PRCP: variants seen among roughly 807,000 people sequenced by gnomAD.
PRCP encodes the protein prolylcarboxypeptidase, also known as lysosomal Pro-X carboxypeptidase.
A neutral mutation model predicts 54.2 loss-of-function variants in PRCP; 46 were observed. That is an observed-to-expected ratio of 0.85 (90% CI 0.67 to 1.09). PRCP has a LOEUF of 1.09. Among genes scored for constraint, PRCP ranks in the 50% least tolerant of loss-of-function variants. The pLI, the probability that PRCP is intolerant of heterozygous loss-of-function variation, is 0.00. For missense variants in PRCP, 613 were observed against 596.8 expected (o/e 1.03, Z -0.28); for synonymous variants, 240 against 212.2 (o/e 1.13, Z -1.14).
intron 1 of PRCP, among the ~76,000 whole-genome samples, chr11:82,884,363 AC>A (rs999722951): frequency 2.0e-5 from 3 of 152,030 alleles, no homozygotes; most frequent in Non-Finnish European, 2.9e-5. Context: ...TTCGAGACCA[AC>A]CTGGGCAACC....
rs1193043149 is a variant in PRCP, at chr11:82,824,961, C to T, written c.1436G>A (p.Arg479Lys). The T allele has an allele frequency of 6.2e-7, 1 of 1,614,094 alleles. No homozygotes were observed. The highest frequency in any genetic ancestry group is 8.5e-7 in the Non-Finnish European group (1 of 1,179,978). ...ATCTCTGATCCAATTCTTCATATGT[C>T]TAACTTCCAAGGAGCGGGCTAACAG... is the stretch of plus-strand genomic sequence containing the variant. ...SVLLARSLEV[R>K]HMKNWIRDFY... The change falls in exon 9 of 9, where the codon AGA (arginine) becomes AAA (lysine). Residue 479 changes from arginine to lysine, a missense_variant. Physicochemically the swap from Arg to Lys is conservative, Grantham distance 26. Transcript: ENST00000313010.
intron 6 of PRCP, among the ~76,000 whole-genome samples, chr11:82,848,005 T>G (rs1858849509): frequency 6.6e-6 from 1 of 152,250 alleles, no homozygotes; most frequent in Admixed American, 6.5e-5. Context: ...CTATATGCAA[T>G]ACACTCACTG....
At chr11:82,886,684 A>G (rs909593579) in intron 1 of PRCP, among the ~76,000 whole-genome samples, 13 of 152,214 alleles carry the variant, frequency 8.5e-5, no homozygotes, top group African/African-American at 3.1e-4. Flanking sequence ...TGACAGAGCC[A>G]GGTTTAAATC....
At chr11:82,875,110 A>G (rs761146759) in intron 1 of PRCP, among the ~76,000 whole-genome samples, 2 of 152,138 alleles carry the variant, frequency 1.3e-5, no homozygotes, top group African/African-American at 4.8e-5. Flanking sequence ...GAATAGTGTA[A>G]GGGCTGAACT....
rs1591040890 is a variant in PRCP, at chr11:82,839,515, T to A, written c.922-90A>T. 17 of 1,367,574 alleles carry A rather than the reference T, an allele frequency of 1.2e-5. No homozygotes were observed. In the South Asian group the frequency reaches 2.0e-4, roughly 16 times the overall value. 84.7% of individuals were successfully genotyped at this position (1,367,574 alleles called of 1,614,324 possible). A position where few individuals can be genotyped will look rare whatever the true frequency, so the allele number is the denominator to read the frequency against. Reference sequence around the variant, plus strand: ...ACACAAAGAAGAAATATGATTTTGATCTGATCATAAAATATTCTTAAGCTA... The same window carrying A: ...ACACAAAGAAGAAATATGATTTTGAACTGATCATAAAATATTCTTAAGCTA... On this transcript the variant is annotated intron_variant, in intron 6 of 8. Transcript: ENST00000313010.
intron 1 of PRCP, among the ~76,000 whole-genome samples, chr11:82,861,329 C>G (rs1248920960): frequency 6.6e-6 from 1 of 152,120 alleles, no homozygotes; most frequent in Non-Finnish European, 1.5e-5. Flanking sequence ...TGTAAAGTTA[C>G]TGATTCAGGC....
In PRCP at chr11:82,853,003, T is replaced by A. The variant is rs372940392; in HGVS notation, c.411+174A>T. Among the ~76,000 whole-genome samples, 273 of 121,142 alleles carry A rather than the reference T, an allele frequency of 2.3e-3. 1 individual carries two copies. Among genetic ancestry groups the A allele is most frequent in the African/African-American group, 0.013 (267 of 21,100 alleles). The allele number at this position is 121,142 out of a possible 152,430, so 79.5% of individuals were successfully genotyped here. On this transcript the variant is annotated intron_variant, in intron 3 of 8. Coordinates refer to ENST00000313010, the MANE Select transcript of PRCP (RefSeq NM_005040.4). ...CATTAAGAATTATAATAAAATGGCT[T>A]AAAAAAAACCCTCAGTCTGTTCAAA...
intron 8 of PRCP, chr11:82,835,842 T>A (rs1858510990): frequency 2.0e-6 from 1 of 501,080 alleles, no homozygotes; most frequent in Non-Finnish European, 4.0e-6. Flanking sequence ...GACCTTGACA[T>A]TATGCTTGGC....
intron 1 of PRCP, among the ~76,000 whole-genome samples, chr11:82,895,788 A>G (rs899329712): frequency 1.3e-5 from 2 of 152,216 alleles, no homozygotes; most frequent in African/African-American, 4.8e-5. Context: ...AGCTAGACAT[A>G]ACATTTTACT....
chr11:82,847,137 A>G (rs1471079513), intron 6 of PRCP, among the ~76,000 whole-genome samples: 1 of 152,242 alleles, frequency 6.6e-6, no homozygotes, highest in Non-Finnish European at 1.5e-5. Flanking sequence ...CCTCTGTTCT[A>G]AATAATGAGA....
intron 1 of PRCP, among the ~76,000 whole-genome samples, chr11:82,891,939 A>G (rs1311291997): frequency 6.6e-6 from 1 of 152,204 alleles, no homozygotes; most frequent in Non-Finnish European, 1.5e-5. Context: ...ACATACCACA[A>G]GTTATTTACA....
intron 1 of PRCP, among the ~76,000 whole-genome samples, chr11:82,890,131 C>T (rs1245867385): frequency 6.6e-6 from 1 of 152,140 alleles, no homozygotes; most frequent in Non-Finnish European, 1.5e-5. Flanking sequence ...AACATACAGC[C>T]ACATCAAATG....
At chr11:82,846,249 GT>G (rs1858806316) in intron 6 of PRCP, 2 of 152,094 alleles carry the variant, frequency 1.3e-5, no homozygotes, top group South Asian at 4.2e-4. Flanking sequence ...ACTGGGTAGT[GT>G]TCCAGGGATT....
At chr11:82,853,934 G>A (rs1373398021) in intron 2 of PRCP, among the ~76,000 whole-genome samples, 5 of 152,138 alleles carry the variant, frequency 3.3e-5, no homozygotes, top group Admixed American at 3.3e-4. Flanking sequence ...TGCAGAAAAT[G>A]TATTCGACAA....
chr11:82,850,324 C>T lies in PRCP; in HGVS notation c.593G>A (p.Gly198Glu), dbSNP rs972843163. 7.9e-6 allele frequency: 12 copies of T among 1,523,432 alleles called. No homozygotes were observed. The highest frequency in any genetic ancestry group is 1.1e-5 in the Non-Finnish European group (12 of 1,131,744). The allele number at this position is 1,523,432 out of a possible 1,614,324, so 94.4% of individuals were successfully genotyped here. Residue 198 changes from glycine to glutamate, a missense_variant and splice_region_variant, in exon 4 of 9, where the codon GGA (glycine) becomes GAA (glutamate). Physicochemically the swap from Gly to Glu is moderately conservative, Grantham distance 98 (BLOSUM62 -2). Coordinates refer to ENST00000313010, the MANE Select transcript of PRCP (RefSeq NM_005040.4). The part of the protein sequence containing the change: ...FRMKYPHMVV[G>E]ALAASAPIWQ... ...TCATGTCCAGTACAAATGCACTTACCCAACTACCATATGAGGATATTTCAT... is the reference window on the plus strand; with the variant it reads ...TCATGTCCAGTACAAATGCACTTACTCAACTACCATATGAGGATATTTCAT...
At chr11:82,894,873 C>T (rs1860082754) in intron 1 of PRCP, among the ~76,000 whole-genome samples, 1 of 152,098 alleles carries the variant, frequency 6.6e-6, no homozygotes, top group African/African-American at 2.4e-5. Flanking sequence ...ATATTTCCCC[C>T]CAACACTTTA....
chr11:82,847,805 G>A (rs1858843739), intron 6 of PRCP, among the ~76,000 whole-genome samples: 2 of 152,038 alleles, frequency 1.3e-5, no homozygotes, highest in Non-Finnish European at 2.9e-5. Flanking sequence ...TGTTGCCCAG[G>A]TGGGTCTCAA....
intron 1 of PRCP, among the ~76,000 whole-genome samples, chr11:82,885,310 T>C (rs1455111966): frequency 6.6e-6 from 1 of 152,212 alleles, no homozygotes; most frequent in East Asian, 1.9e-4. Flanking sequence ...TGCAGAAATA[T>C]AACATGAGTG....
At chr11:82,841,058 A>ATATATATAT (rs1178732590) in intron 6 of PRCP, among the ~76,000 whole-genome samples, 1 of 149,608 alleles carries the variant, frequency 6.7e-6, no homozygotes, top group African/African-American at 2.5e-5. Flanking sequence ...TATATAATAG[A>ATATATATAT]CTAGTCCTGA....
Sources: gnomAD v4.1 joint callset for allele counts (sites outside exome capture counted in the v4.1 genomes callset) on GRCh38, gnomAD v4.1.1 for gene constraint, MANE v1.5 for transcripts, NCBI Gene and HGNC (gene_info 2026-07-23, HGNC 2026-07-21) for gene names.